Variants in RNASEL observed in about 807,000 individuals in gnomAD.
RNASEL encodes ribonuclease L, also known as 2-5A-dependent ribonuclease.
A neutral mutation model predicts 50.9 loss-of-function variants in RNASEL; 36 were observed. The ratio of observed to expected loss-of-function variants is 0.71; its 90% CI spans 0.54 to 0.93. RNASEL has a LOEUF of 0.93. RNASEL is among the 40% of genes least tolerant of loss of function. The pLI is 0.00. For missense variants in RNASEL, 860 were observed against 894.5 expected (o/e 0.96, Z 0.49); for synonymous variants, 335 against 335.6 (o/e 1.00, Z 0.02).
At chr1:182,579,562 A>G in intron 5 of RNASEL, 1 of 1,144,330 alleles carries the variant, frequency 8.7e-7, no homozygotes, top group Non-Finnish European at 1.1e-6. Context: ...CAGTCATACA[A>G]GCTGGAAAAC....
rs1351682347 is a variant in RNASEL at position 182,575,529 on chromosome 1, GAAATGTCTTCTGA to G, written c.2076_2088del (p.Lys694IlefsTer3). ...GTGTAGACATAGATCACCAGATCTG[GAAATGTCTTCTGA>G]AAATACAGGGAAGGGTCTCCAATTT... On this transcript the variant is annotated frameshift_variant, in exon 7 of 7. Transcript: ENST00000367559. LOFTEE classifies it low-confidence loss of function (END_TRUNC). 2 of 1,614,150 alleles carry G rather than the reference GAAATGTCTTCTGA, an allele frequency of 1.2e-6. No homozygotes were observed. The highest frequency in any genetic ancestry group is 1.7e-6 in the Non-Finnish European group (2 of 1,180,024).
rs540507819 is a variant in RNASEL at position 182,574,135 on chromosome 1, T to A, written c.*1257A>T. 4.6e-6 allele frequency: 1 copy of A among 219,224 alleles called. No homozygotes were observed. The highest frequency in any genetic ancestry group is 1.9e-4 in the South Asian group (1 of 5,380). 13.6% of individuals were successfully genotyped at this position (219,224 alleles called of 1,614,324 possible). ...TACATTATAAAGCACCAGAAAAACG[T>A]AAGACAGTATTATTATTCATGTACG... On this transcript the variant is annotated 3_prime_UTR_variant, in exon 7 of 7. Coordinates refer to ENST00000367559, the MANE Select transcript of RNASEL (RefSeq NM_021133.4).
Position 182,586,371 on chromosome 1 carries a change from T to G in RNASEL, c.436A>C (p.Lys146Gln), listed in dbSNP as rs530816616. 2 of 1,614,170 alleles carry G rather than the reference T, an allele frequency of 1.2e-6. No homozygotes were observed. Among genetic ancestry groups the G allele is most frequent in the African/African-American group, 2.7e-5 (2 of 75,042 alleles). Residue 146 changes from lysine to glutamine, a missense_variant, in exon 2 of 7, where the codon AAG becomes CAG. Physicochemically the swap from Lys to Gln is moderately conservative, Grantham distance 53. Transcript: ENST00000367559. ...CTCAAATTCACATTTGCTCCTCTCT[T>G]ATAAAGGAATTTTAGGGCTTTGACC... ...GKVKALKFLYKRGANVNLRRK... is the reference protein window; with the variant it reads ...GKVKALKFLYQRGANVNLRRK...
In RNASEL at chr1:182,575,630, C is replaced by G. The variant is rs368693516; in HGVS notation, c.2040-52G>C. 28 of 1,603,390 alleles carry G rather than the reference C, an allele frequency of 1.7e-5. 1 individual carries two copies. The highest frequency in any genetic ancestry group is 9.0e-5 in the East Asian group (4 of 44,562). On this transcript the variant is annotated intron_variant, in intron 6 of 6. Transcript: ENST00000367559. Reference sequence around the variant, plus strand: ...ATGCTTGCCCCAAATTATTCTTCCCCGCTTCACAGCATATGGCCCTGAAGA... The same window carrying G: ...ATGCTTGCCCCAAATTATTCTTCCCGGCTTCACAGCATATGGCCCTGAAGA...
chr1:182,575,680 T>C (rs11807829), intron 6 of RNASEL, 102 bp from the exon 7 acceptor site: 459,968 of 1,444,020 alleles, frequency 0.32, 76,054 homozygotes, highest in Middle Eastern at 0.41. Context: ...TGATTTCTAT[T>C]GCAGAATGAA....
intron 5 of RNASEL, chr1:182,577,093 CAG>C (rs1661400618): frequency 6.6e-6 from 1 of 150,716 alleles, no homozygotes; most frequent in Non-Finnish European, 1.5e-5. Context: ...CCATGTTGGC[CAG>C]GCTGGTCTCA....
intron 5 of RNASEL, 62 bp downstream of exon 5, chr1:182,581,163 A>G: frequency 6.2e-7 from 1 of 1,612,456 alleles, no homozygotes; most frequent in Non-Finnish European, 8.5e-7. Flanking sequence ...AAAAACTAAC[A>G]TAAAACATTA....
At chr1:182,582,011 C>T in intron 4 of RNASEL, 42 bp downstream of exon 4, 2 of 1,572,276 alleles carry the variant, frequency 1.3e-6, no homozygotes, top group Non-Finnish European at 1.8e-6. Flanking sequence ...CTTACCCTTT[C>T]CATCCTGGAG....
chr1:182,575,687 T>C (rs1661366031), intron 6 of RNASEL, 109 bp from the exon 7 acceptor site: 3 of 1,398,964 alleles, frequency 2.1e-6, no homozygotes, highest in Non-Finnish European at 3.0e-6. Flanking sequence ...TATTGCAGAA[T>C]GAATAAGGAC....
intron 4 of RNASEL, among the ~76,000 whole-genome samples, chr1:182,581,687 G>A (rs1472749173): frequency 1.3e-5 from 2 of 151,888 alleles, no homozygotes; most frequent in East Asian, 1.9e-4. Context: ...TCACCATGCT[G>A]ACCAGGCTGG....
chr1:182,587,795 C>T (rs1392972183), intron 1 of RNASEL, among the ~76,000 whole-genome samples: 2 of 152,108 alleles, frequency 1.3e-5, no homozygotes, highest in African/African-American at 2.4e-5. Flanking sequence ...CTTTGTACAA[C>T]CCTGTGCCCC....
At chr1:182,582,945 C>T (rs1293999173) in intron 3 of RNASEL, among the ~76,000 whole-genome samples, 1 of 152,172 alleles carries the variant, frequency 6.6e-6, no homozygotes, top group African/African-American at 2.4e-5. Flanking sequence ...TCCATGTCCC[C>T]TCAGGAGCAA....
At chr1:182,576,966 T>G (rs1164288193) in intron 5 of RNASEL, 1 of 147,978 alleles carries the variant, frequency 6.8e-6, no homozygotes, top group Non-Finnish European at 1.5e-5. Flanking sequence ...AACCTCCGCC[T>G]CCCGGGTTCA....
Position 182,586,869 on chromosome 1 carries a change from CT to C in RNASEL, c.-64del. ...CCTTGAGAAAATGCAAATTTATCTC[CT>C]AGCACTTAATCAAAGAAGCTTTGAG... On this transcript the variant is annotated 5_prime_UTR_variant, in exon 2 of 7. Transcript: ENST00000367559. 6.2e-7 allele frequency: 1 copy of C among 1,603,806 alleles called. No individual in the cohort carries two copies. Among genetic ancestry groups the C allele is most frequent in the Non-Finnish European group, 8.5e-7 (1 of 1,173,502 alleles).
Position 182,575,423 on chromosome 1 carries a change from C to G in RNASEL, c.2195G>C (p.Gly732Ala). The G allele has an allele frequency of 6.2e-7, 1 of 1,614,128 alleles. No individual in the cohort carries two copies. The highest frequency in any genetic ancestry group is 8.5e-7 in the Non-Finnish European group (1 of 1,180,022). The change falls in exon 7 of 7, where the codon GGG becomes GCG. Residue 732 changes from glycine (G) to alanine (A), a missense_variant. By Grantham distance (60) the Gly-to-Ala change is moderately conservative (BLOSUM62 0). Transcript: ENST00000367559. ...PNKPQCDGAG[G>A]ASGLASPGC is the part of the protein sequence containing the mutation. Reference sequence around the variant, plus strand: ...CCCAGGGCTGGCCAACCCACTGGCCCCACCAGCTCCATCACACTGAGGCTT... The same window carrying G: ...CCCAGGGCTGGCCAACCCACTGGCCGCACCAGCTCCATCACACTGAGGCTT...
rs1661597386 is a variant in RNASEL at position 182,586,402 on chromosome 1, A to G, written c.405T>C (p.Tyr135=). The change falls in exon 2 of 7, where the codon TAT becomes TAC. Residue 135 remains tyrosine, a synonymous_variant. Coordinates refer to ENST00000367559, the MANE Select transcript of RNASEL (RefSeq NM_021133.4). ...GGAATTTTAGGGCTTTGACCTTACC[A>G]TACACAGCGGCTTCCATGAAGGCTG... ...GFTAFMEAAV[Y]GKVKALKFLY... The G allele has an allele frequency of 6.2e-7, 1 of 1,613,986 alleles. No homozygotes were observed. The highest frequency in any genetic ancestry group is 1.7e-5 in the Admixed American group (1 of 60,002).
chr1:182,586,741 T>C lies in RNASEL; in HGVS notation c.66A>G (p.Ala22=), dbSNP rs1235477263. ...GPTSSSGRRA[A]VEDNHLLIKA... ...TAATCAGCAAGTGATTGTCTTCCAC[T>C]GCAGCCCTTCTACCGCTGGAGGACG... The change falls in exon 2 of 7, where the codon GCA becomes GCG. Residue 22 remains alanine (A), a synonymous_variant. Transcript: ENST00000367559. The C allele has an allele frequency of 6.2e-7, 1 of 1,614,148 alleles. No individual in the cohort carries two copies. Among genetic ancestry groups the C allele is most frequent in the African/African-American group, 1.3e-5 (1 of 74,950 alleles).
chr1:182,578,638 G>C (rs1186237741), intron 5 of RNASEL: 1 of 152,160 alleles, frequency 6.6e-6, no homozygotes, highest in East Asian at 1.9e-4. Flanking sequence ...ATTTTTAGTA[G>C]AGACAGGGTT....
At position 182,575,506 on chromosome 1, in the gene RNASEL, G is replaced by A. The variant is rs2102362144; in HGVS notation, c.2112C>T (p.Tyr704=). The A allele has an allele frequency of 6.2e-7, 1 of 1,614,168 alleles. No homozygotes were observed. Among genetic ancestry groups the A allele is most frequent in the African/African-American group, 1.3e-5 (1 of 75,040 alleles). The change falls in exon 7 of 7, where the codon TAC becomes TAT. Residue 704 remains tyrosine (Y), a synonymous_variant. Coordinates refer to ENST00000367559, the MANE Select transcript of RNASEL (RefSeq NM_021133.4). ...KTFPDLVIYV[Y]TKLQNTEYRK... ...TATATTCTGTGTTCTGTAGTTTTGT[G>A]TAGACATAGATCACCAGATCTGGAA...
Sources: gnomAD v4.1 joint callset for allele counts (sites outside exome capture counted in the v4.1 genomes callset) on GRCh38, gnomAD v4.1.1 for gene constraint, MANE v1.5 for transcripts, NCBI Gene and HGNC (gene_info 2026-07-23, HGNC 2026-07-21) for gene names.